SEZ6L: variants seen among roughly 807,000 people sequenced by gnomAD.
The protein encoded by SEZ6L is seizure related 6 homolog like.
In SEZ6L, 37 loss-of-function variants were observed where a neutral mutation model predicts 106.2. The ratio of observed to expected loss-of-function variants is 0.35; its 90% confidence interval spans 0.27 to 0.46. The LOEUF (loss-of-function observed/expected upper bound fraction) is 0.46, where lower values mean the gene tolerates loss of function less well. Ranked by LOEUF, SEZ6L falls within the 20% of genes least tolerant of loss-of-function variation. SEZ6L has a pLI of 1.00. For missense variants in SEZ6L, 1,172 were observed against 1,332.8 expected (o/e 0.88, Z 1.88); for synonymous variants, 541 against 570.4 (o/e 0.95, Z 0.73).
intron 8 of SEZ6L, 27 bp from the exon 9 acceptor site, chr22:26,313,737 G>A (rs758494809): frequency 3.8e-6 from 6 of 1,593,920 alleles, no homozygotes; most frequent in Middle Eastern, 1.7e-4. Context: ...AATAAAGTCC[G>A]TCTTCTTGCC....
chr22:26,267,036 G>A (rs2080214583), intron 1 of SEZ6L, among the ~76,000 whole-genome samples: 1 of 152,190 alleles, frequency 6.6e-6, no homozygotes, highest in Admixed American at 6.5e-5. Context: ...TTTGAGCAGA[G>A]GAAATCGTGT....
At chr22:26,218,485 T>TTA (rs553701802) in intron 1 of SEZ6L, among the ~76,000 whole-genome samples, 81 of 152,240 alleles carry the variant, frequency 5.3e-4, no homozygotes, top group African/African-American at 1.8e-3. Flanking sequence ...ACTGCTAGTT[T>TTA]TATATATATT....
intron 1 of SEZ6L, among the ~76,000 whole-genome samples, chr22:26,188,421 A>C (rs2145649194): frequency 6.6e-6 from 1 of 152,284 alleles, no homozygotes; most frequent in East Asian, 1.9e-4. Flanking sequence ...TGGTAGCTTG[A>C]GCTGCTTGTC....
At chr22:26,186,874 T>A (rs1422523956) in intron 1 of SEZ6L, among the ~76,000 whole-genome samples, 4 of 152,098 alleles carry the variant, frequency 2.6e-5, no homozygotes, top group Non-Finnish European at 5.9e-5. Context: ...TCAGCTGTGC[T>A]TAGGAGCACG....
At chr22:26,227,437 T>C (rs1026060614) in intron 1 of SEZ6L, among the ~76,000 whole-genome samples, 3 of 152,198 alleles carry the variant, frequency 2.0e-5, no homozygotes, top group Non-Finnish European at 4.4e-5. Context: ...AGTTGAGGTC[T>C]CATTCTGTTG....
chr22:26,362,104 A>C (rs761087838), intron 12 of SEZ6L, among the ~76,000 whole-genome samples: 1 of 152,130 alleles, frequency 6.6e-6, no homozygotes, highest in Non-Finnish European at 1.5e-5. Context: ...TCCCCAAGGC[A>C]CGCTCTGCAG....
intron 1 of SEZ6L, among the ~76,000 whole-genome samples, chr22:26,191,413 G>A (rs1166997935): frequency 1.3e-5 from 2 of 152,176 alleles, no homozygotes; most frequent in East Asian, 1.9e-4. Context: ...CCATAAAAAG[G>A]AATGCAATCA....
intron 1 of SEZ6L, among the ~76,000 whole-genome samples, chr22:26,194,957 C>A (rs1014711262): frequency 1.3e-5 from 2 of 152,226 alleles, no homozygotes; most frequent in Admixed American, 1.3e-4. Flanking sequence ...TGGTTGGGGT[C>A]AGCTTTATCC....
intron 16 of SEZ6L, 70 bp from the exon 17 acceptor site, chr22:26,380,196 A>T: frequency 6.8e-7 from 1 of 1,460,096 alleles, no homozygotes; most frequent in South Asian, 1.2e-5. Flanking sequence ...GGTGCAAAGA[A>T]CTGCATCCCC....
At chr22:26,250,368 A>G (rs1052816381) in intron 1 of SEZ6L, among the ~76,000 whole-genome samples, 1 of 152,098 alleles carries the variant, frequency 6.6e-6, no homozygotes, top group Non-Finnish European at 1.5e-5. Context: ...GTCTACTTTC[A>G]TTCTTCTGCA....
chr22:26,210,827 G>A (rs2078136637), intron 1 of SEZ6L, among the ~76,000 whole-genome samples: 1 of 152,312 alleles, frequency 6.6e-6, no homozygotes, highest in Admixed American at 6.5e-5. Flanking sequence ...ACACTTTAAA[G>A]GATTTGTTCC....
At chr22:26,336,299 A>G (rs951434695) in intron 9 of SEZ6L, among the ~76,000 whole-genome samples, 1 of 152,154 alleles carries the variant, frequency 6.6e-6, no homozygotes. Flanking sequence ...CCTTCTCCCT[A>G]TGGATGTGTT....
intron 14 of SEZ6L, among the ~76,000 whole-genome samples, chr22:26,375,149 G>A (rs185844415): frequency 2.0e-5 from 3 of 152,050 alleles, no homozygotes; most frequent in East Asian, 3.9e-4. Flanking sequence ...ACCCAGATTC[G>A]CCCACCACTC....
chr22:26,328,376 C>T (rs1473201460), intron 9 of SEZ6L, among the ~76,000 whole-genome samples: 1 of 152,192 alleles, frequency 6.6e-6, no homozygotes, highest in Non-Finnish European at 1.5e-5. Context: ...TTACAGCTGT[C>T]AACAATATTA....
chr22:26,340,531 A>G lies in SEZ6L; in HGVS notation c.2111A>G (p.Gln704Arg). 1 of 1,614,164 alleles carries G rather than the reference A, an allele frequency of 6.2e-7. No individual in the cohort carries two copies. The highest frequency in any genetic ancestry group is 8.5e-7 in the Non-Finnish European group (1 of 1,180,026). ...CAGTACCTTGGGAACAGTGGCCCCC[A>G]GAAACTGTACTCCTCCACGCCAGAC... ...LGQYLGNSGPQKLYSSTPDLT... is the reference protein window; with the variant it reads ...LGQYLGNSGPRKLYSSTPDLT... Residue 704 changes from glutamine (Q) to arginine (R), a missense_variant, in exon 10 of 17, where the codon CAG becomes CGG. Coordinates refer to ENST00000248933, the MANE Select transcript of SEZ6L (RefSeq NM_021115.5).
chr22:26,296,812 C>T (rs1274331791), intron 3 of SEZ6L, 76 bp from the exon 4 acceptor site: 12 of 1,328,852 alleles, frequency 9.0e-6, no homozygotes, highest in Admixed American at 2.8e-5. Context: ...TTTTCACTGA[C>T]TTCTTTGCAA....
intron 1 of SEZ6L, among the ~76,000 whole-genome samples, chr22:26,175,246 T>C (rs1938900249): frequency 6.6e-6 from 1 of 152,192 alleles, no homozygotes; most frequent in Admixed American, 6.5e-5. Flanking sequence ...AGTCATAAGG[T>C]AAAACAGGTT....
chr22:26,340,872 T>A (rs936120657), intron 10 of SEZ6L, among the ~76,000 whole-genome samples: 1 of 152,204 alleles, frequency 6.6e-6, no homozygotes, highest in Non-Finnish European at 1.5e-5. Flanking sequence ...CTCTGAGCCT[T>A]CTTTTTGTCA....
At chr22:26,316,809 G>T (rs2082009028) in intron 9 of SEZ6L, among the ~76,000 whole-genome samples, 1 of 151,120 alleles carries the variant, frequency 6.6e-6, no homozygotes, top group South Asian at 2.1e-4. Flanking sequence ...TTAAGCCTGG[G>T]TGACAGAGTG....
Sources: gnomAD v4.1 joint callset for allele counts (sites outside exome capture counted in the v4.1 genomes callset) on GRCh38, gnomAD v4.1.1 for gene constraint, MANE v1.5 for transcripts, NCBI Gene and HGNC (gene_info 2026-07-23, HGNC 2026-07-21) for gene names.